Variants in NAT1 observed in about 807,000 individuals in gnomAD.
The protein encoded by NAT1 is N-acetyltransferase 1.
For missense variants in NAT1, 400 were observed against 339.2 expected (o/e 1.18, Z -1.41); for synonymous variants, 144 against 122.6 (o/e 1.17, Z -1.16).
At chr8:18,203,677 A>G (rs1232402133) in intron 2 of NAT1, among the ~76,000 whole-genome samples, 2 of 152,194 alleles carry the variant, frequency 1.3e-5, no homozygotes, top group Non-Finnish European at 2.9e-5. Context: ...TGTGAGCTCT[A>G]TAATTGGTGT....
chr8:18,197,100 T>A (rs945251228), intron 2 of NAT1, among the ~76,000 whole-genome samples: 2 of 152,132 alleles, frequency 1.3e-5, no homozygotes, highest in Non-Finnish European at 2.9e-5. Context: ...TCAGCTCTCA[T>A]GAGAACTAAC....
chr8:18,187,844 C>G (rs149066430), intron 2 of NAT1, among the ~76,000 whole-genome samples: 4 of 151,902 alleles, frequency 2.6e-5, no homozygotes, highest in Non-Finnish European at 5.9e-5. Context: ...GCATATGCCC[C>G]GGAACCTAAA....
Position 18,222,221 on chromosome 8 carries a change from A to T in NAT1, c.174A>T (p.Gln58His), listed in dbSNP as rs770576147. The part of the protein sequence containing the change: ...MDLGLEAIFD[Q>H]VVRRNRGGWC... The stretch of plus-strand genomic sequence containing the variant: ...TAGGCTTAGAGGCCATTTTTGATCA[A>T]GTTGTGAGAAGAAATCGGGGTGGAT... Residue 58 changes from glutamine (Q) to histidine (H), a missense_variant, in exon 3 of 3, where the codon CAA becomes CAT. Coordinates refer to ENST00000307719, the MANE Select transcript of NAT1 (RefSeq NM_000662.8). 2 of 1,614,072 alleles carry T rather than the reference A, an allele frequency of 1.2e-6. No individual in the cohort carries two copies. The highest frequency in any genetic ancestry group is 1.7e-6 in the Non-Finnish European group (2 of 1,179,990).
chr8:18,195,341 T>C (rs1803186976), intron 2 of NAT1, among the ~76,000 whole-genome samples: 1 of 152,164 alleles, frequency 6.6e-6, no homozygotes, highest in Admixed American at 6.5e-5. Flanking sequence ...AAACAGAATA[T>C]TCAAATAGGG....
intron 1 of NAT1, among the ~76,000 whole-genome samples, chr8:18,217,380 C>T (rs968091787): frequency 2.3e-4 from 35 of 152,264 alleles, no homozygotes; most frequent in African/African-American, 8.2e-4. Context: ...AGTTTGTCTT[C>T]AGACGCTTTG....
intron 2 of NAT1, among the ~76,000 whole-genome samples, chr8:18,200,522 C>T (rs559317969): frequency 2.7e-4 from 41 of 151,942 alleles, no homozygotes; most frequent in Non-Finnish European, 2.5e-4. Flanking sequence ...CAACAGACAC[C>T]GGGATCTACT....
At chr8:18,198,510 C>T (rs932174640) in intron 2 of NAT1, among the ~76,000 whole-genome samples, 4 of 152,192 alleles carry the variant, frequency 2.6e-5, no homozygotes, top group Admixed American at 2.0e-4. Context: ...ATCACTCTTT[C>T]CAGCAATAAA....
At chr8:18,213,228 G>T (rs1160738733) in intron 1 of NAT1, among the ~76,000 whole-genome samples, 1 of 151,916 alleles carries the variant, frequency 6.6e-6, no homozygotes, top group South Asian at 2.1e-4. Flanking sequence ...GGTCTAAGGG[G>T]TCTCATTTGA....
intron 2 of NAT1, among the ~76,000 whole-genome samples, chr8:18,203,080 T>A (rs1308856273): frequency 5.9e-5 from 9 of 152,270 alleles, no homozygotes; most frequent in Non-Finnish European, 1.5e-5. Flanking sequence ...GACACAAAAG[T>A]TCTCCAAGTC....
intron 2 of NAT1, among the ~76,000 whole-genome samples, chr8:18,220,071 T>C (rs143225946): frequency 1.3e-5 from 2 of 152,328 alleles, no homozygotes; most frequent in Non-Finnish European, 2.9e-5. Flanking sequence ...CTCTCTCTTC[T>C]TTACATACTC....
At chr8:18,179,542 C>A (rs899478838) in intron 2 of NAT1, among the ~76,000 whole-genome samples, 1 of 152,086 alleles carries the variant, frequency 6.6e-6, no homozygotes, top group African/African-American at 2.4e-5. Flanking sequence ...TAAGAAATGG[C>A]GTATTGAAAT....
At chr8:18,175,745 G>A (rs937696876) in intron 2 of NAT1, among the ~76,000 whole-genome samples, 14 of 151,786 alleles carry the variant, frequency 9.2e-5, no homozygotes, top group African/African-American at 3.4e-4. Context: ...GCAATTCCTG[G>A]GTCATATGGT....
intron 1 of NAT1, among the ~76,000 whole-genome samples, chr8:18,216,128 A>G (rs1332730798): frequency 1.3e-5 from 2 of 152,206 alleles, no homozygotes; most frequent in Admixed American, 6.5e-5. Flanking sequence ...TGCATTTTAC[A>G]TAACATACCT....
intron 2 of NAT1, among the ~76,000 whole-genome samples, chr8:18,181,731 T>C (rs1802528908): frequency 6.6e-6 from 1 of 152,184 alleles, no homozygotes; most frequent in East Asian, 1.9e-4. Context: ...ATAGCCTTTA[T>C]TGTTGTGAGA....
At chr8:18,217,563 C>A (rs905441007) in intron 1 of NAT1, among the ~76,000 whole-genome samples, 1 of 152,126 alleles carries the variant, frequency 6.6e-6, no homozygotes, top group Non-Finnish European at 1.5e-5. Flanking sequence ...TTCTGTATAC[C>A]CTTGGGGCAT....
At position 18,222,032 on chromosome 8, in the gene NAT1, C is replaced by A; in HGVS notation, c.-6-10C>A. On this transcript the variant is annotated splice_polypyrimidine_tract_variant and intron_variant, in intron 2 of 2. Transcript: ENST00000307719. ...AAATGATTTGCTTTCGTTTTGTTTTCCTTGCTTAGGGGATCATGGACATTG... is the reference window on the plus strand; with the variant it reads ...AAATGATTTGCTTTCGTTTTGTTTTACTTGCTTAGGGGATCATGGACATTG... 6.3e-7 allele frequency: 1 copy of A among 1,585,044 alleles called. No individual in the cohort carries two copies. The highest frequency in any genetic ancestry group is 8.6e-7 in the Non-Finnish European group (1 of 1,165,420).
chr8:18,185,894 C>T (rs182911915), intron 2 of NAT1, among the ~76,000 whole-genome samples: 1 of 152,094 alleles, frequency 6.6e-6, no homozygotes, highest in Non-Finnish European at 1.5e-5. Context: ...ATCATGGTTT[C>T]TTCTTTGATC....
At chr8:18,188,850 C>T (rs1802852919) in intron 2 of NAT1, among the ~76,000 whole-genome samples, 1 of 151,432 alleles carries the variant, frequency 6.6e-6, no homozygotes, top group African/African-American at 2.4e-5. Context: ...CAAAAATTAG[C>T]CAGGTGTGGT....
intron 1 of NAT1, chr8:18,217,000 T>C (rs1163741691): frequency 3.2e-6 from 5 of 1,542,090 alleles, no homozygotes; most frequent in South Asian, 1.2e-5. Context: ...TCTGGGTCAG[T>C]ACCCTGGATG....
Sources: allele counts gnomAD v4.1 joint callset (sites outside exome capture counted in the v4.1 genomes callset), GRCh38; gene constraint gnomAD v4.1.1; transcripts MANE v1.5; gene names NCBI Gene and HGNC (gene_info 2026-07-23, HGNC 2026-07-21).